The following FMN2 variants were observed in gnomAD, a reference collection of about 807,000 sequenced individuals.
The protein encoded by FMN2 is formin-2.
Under a neutral mutation model 142.3 loss-of-function variants are expected in FMN2, and 51 were observed. The observed-to-expected ratio is 0.36, with a 90% CI of 0.29 to 0.45. FMN2 has a LOEUF of 0.45. Ranked by LOEUF, FMN2 falls within the 20% of genes least tolerant of loss-of-function variation. FMN2 has a pLI of 1.00. For synonymous variants in FMN2, 882 were observed against 869.8 expected, an observed-to-expected ratio of 1.01 and a Z score of -0.25; for missense variants, 1,936 against 2,122.8, an observed-to-expected ratio of 0.91 and a Z score of 1.73.
intron 10 of FMN2, 122 bp from the exon 11 acceptor site, chr1:240,330,481 G>A: frequency 1.0e-6 from 1 of 966,320 alleles, no homozygotes; most frequent in South Asian, 1.7e-5. Context: ...AATTAGGAAT[G>A]ATAAAGTTCG....
chr1:240,210,206 C>A (rs1403546552), intron 5 of FMN2, among the ~76,000 whole-genome samples: 1 of 152,100 alleles, frequency 6.6e-6, no homozygotes, highest in African/African-American at 2.4e-5. Flanking sequence ...GTCATTGAGA[C>A]AATGCTGTGA....
At chr1:240,105,405 G>A (rs550153019) in intron 1 of FMN2, among the ~76,000 whole-genome samples, 4 of 152,038 alleles carry the variant, frequency 2.6e-5, no homozygotes, top group East Asian at 1.9e-4. Flanking sequence ...CACTGCACCC[G>A]GCCTCCATAT....
chr1:240,277,437 C>CTT (rs11444913), intron 7 of FMN2, among the ~76,000 whole-genome samples: 2,874 of 109,386 alleles, frequency 0.026, 76 homozygotes, highest in African/African-American at 0.062. Context: ...TCTGCCTTTT[C>CTT]TTTTTTTTTT....
At chr1:240,113,515 G>A (rs537794878) in intron 1 of FMN2, among the ~76,000 whole-genome samples, 14 of 126,084 alleles carry the variant, frequency 1.1e-4, no homozygotes, top group African/African-American at 4.4e-4. Context: ...CCGAGATCAC[G>A]ACACTGCACT....
chr1:240,131,920 T>C (rs1196950926), intron 2 of FMN2, among the ~76,000 whole-genome samples: 2 of 152,194 alleles, frequency 1.3e-5, no homozygotes, highest in South Asian at 2.1e-4. Flanking sequence ...AAAATATCAC[T>C]GTGGTGGCAG....
chr1:240,294,778 AC>A, intron 7 of FMN2, 43 bp from the exon 8 acceptor site: 1 of 1,584,560 alleles, frequency 6.3e-7, no homozygotes, highest in East Asian at 2.2e-5. Flanking sequence ...ACATCTTTTC[AC>A]AGGTGGCTTA....
At chr1:240,222,583 A>C (rs1417136603) in intron 6 of FMN2, among the ~76,000 whole-genome samples, 1 of 152,028 alleles carries the variant, frequency 6.6e-6, no homozygotes, top group Admixed American at 6.5e-5. Flanking sequence ...TACTTTGTGC[A>C]CTATGGCCAT....
intron 6 of FMN2, among the ~76,000 whole-genome samples, chr1:240,238,170 G>A (rs1454095964): frequency 1.3e-5 from 2 of 152,136 alleles, no homozygotes; most frequent in Non-Finnish European, 2.9e-5. Context: ...CCTTTATGCA[G>A]CTGACTGTAG....
intron 16 of FMN2, chr1:240,471,956 T>C (rs894152044): frequency 1.3e-5 from 2 of 158,422 alleles, no homozygotes; most frequent in African/African-American, 2.4e-5. Context: ...GTGATACTCT[T>C]TAATTATTCT....
intron 7 of FMN2, among the ~76,000 whole-genome samples, chr1:240,270,470 A>G (rs571005756): frequency 6.6e-6 from 1 of 152,078 alleles, no homozygotes; most frequent in African/African-American, 2.4e-5. Context: ...ACCAATAATC[A>G]CACCTCGGAT....
chr1:240,339,002 G>A (rs1360381436), intron 13 of FMN2, among the ~76,000 whole-genome samples: 1 of 152,138 alleles, frequency 6.6e-6, no homozygotes, highest in African/African-American at 2.4e-5. Flanking sequence ...TTCACGGTAG[G>A]GTCCTGGCTC....
At chr1:240,388,885 G>C (rs573255389) in intron 14 of FMN2, among the ~76,000 whole-genome samples, 6 of 150,784 alleles carry the variant, frequency 4.0e-5, no homozygotes, top group Non-Finnish European at 8.9e-5. Context: ...AAAGGGGGGG[G>C]GTCAAGCATT....
chr1:240,334,053 CT>C (rs1671475653), intron 12 of FMN2, 55 bp from the exon 13 acceptor site: 2 of 1,568,758 alleles, frequency 1.3e-6, no homozygotes, highest in Non-Finnish European at 8.6e-7. Context: ...TGCTATTATT[CT>C]TTTTTATATT....
chr1:240,119,883 G>T (rs1662166949), intron 1 of FMN2, among the ~76,000 whole-genome samples: 1 of 152,104 alleles, frequency 6.6e-6, no homozygotes, highest in Admixed American at 6.5e-5. Flanking sequence ...TTAGTCTTAG[G>T]GCTATTTTCA....
intron 8 of FMN2, among the ~76,000 whole-genome samples, chr1:240,319,263 G>A (rs928131853): frequency 5.9e-5 from 9 of 152,256 alleles, no homozygotes; most frequent in Non-Finnish European, 1.2e-4. Flanking sequence ...GAGTGATGGC[G>A]TTTGTGGAGA....
At chr1:240,355,774 C>T (rs1672244804) in intron 13 of FMN2, 42 bp from the exon 14 acceptor site, 1 of 1,450,828 alleles carries the variant, frequency 6.9e-7, no homozygotes, top group Non-Finnish European at 9.6e-7. Flanking sequence ...TAATGCTCCA[C>T]TAACAGTGTG....
intron 15 of FMN2, among the ~76,000 whole-genome samples, chr1:240,399,566 A>G (rs1430874753): frequency 2.6e-5 from 4 of 152,118 alleles, no homozygotes; most frequent in Non-Finnish European, 5.9e-5. Flanking sequence ...CACTCTCCCA[A>G]GCTCCTACGC....
chr1:240,164,322 A>T (rs1664394504), intron 2 of FMN2, among the ~76,000 whole-genome samples: 1 of 152,180 alleles, frequency 6.6e-6, no homozygotes, highest in African/African-American at 2.4e-5. Context: ...GAGATTCCCT[A>T]ACTTAATAAA....
chr1:240,163,928 G>A (rs1373272788), intron 2 of FMN2, among the ~76,000 whole-genome samples: 3 of 151,626 alleles, frequency 2.0e-5, no homozygotes, highest in Non-Finnish European at 4.4e-5. Flanking sequence ...GGTGGAGTGC[G>A]GTGGCATAAT....
Sources: gnomAD v4.1 joint callset for allele counts (sites outside exome capture counted in the v4.1 genomes callset) on GRCh38, gnomAD v4.1.1 for gene constraint, MANE v1.5 for transcripts, NCBI Gene and HGNC (gene_info 2026-07-23, HGNC 2026-07-21) for gene names.